Variants in RBM19 observed in about 807,000 individuals in gnomAD.
RBM19 encodes the protein RNA binding motif protein 19, also known as probable RNA-binding protein 19.
In RBM19, 94 loss-of-function variants were observed where a neutral mutation model predicts 116.8. The observed-to-expected ratio is 0.80, with a 90% CI of 0.68 to 0.95. RBM19 has a LOEUF of 0.95. RBM19 is among the 40% of genes least tolerant of loss of function. The probability of loss-of-function intolerance (pLI) is 0.00; values close to 1 mark genes in which losing one functional copy is unlikely to be tolerated. For synonymous variants in RBM19, 475 were observed against 494.1 expected, an observed-to-expected ratio of 0.96 and a Z score of 0.51; for missense variants, 1,161 against 1,220.7, an observed-to-expected ratio of 0.95 and a Z score of 0.73.
chr12:113,927,591 C>CAAAAAAA (rs764020256), intron 16 of RBM19, among the ~76,000 whole-genome samples: 6 of 63,018 alleles, frequency 9.5e-5, no homozygotes, highest in Admixed American at 1.7e-4. Flanking sequence ...CCTCAAAAAA[C>CAAAAAAA]AAAAAAAAAA....
intron 6 of RBM19, among the ~76,000 whole-genome samples, chr12:113,956,476 G>A (rs1436141643): frequency 6.6e-6 from 1 of 151,122 alleles, no homozygotes; most frequent in Non-Finnish European, 1.5e-5. Context: ...AGCTACTCGG[G>A]AGGCTGAGGC....
chr12:113,895,531 AACAAT>A (rs1343715645), intron 21 of RBM19, among the ~76,000 whole-genome samples: 1 of 152,218 alleles, frequency 6.6e-6, no homozygotes, highest in Non-Finnish European at 1.5e-5. Context: ...GAAGACGCCT[AACAAT>A]ACAGAAAACA....
chr12:113,914,672 G>T lies in RBM19; in HGVS notation c.2558+297C>A, dbSNP rs555714586. ...GGGTAGGGCTGGGTTTTAGCCACTG[G>T]GGCCCCTGCCCCTCTTGCACGTTGT... On this transcript the variant is annotated intron_variant, in intron 21 of 23. Transcript: ENST00000261741. Among the ~76,000 whole-genome samples the T allele has an allele frequency of 8.6e-4, 131 of 152,358 alleles. 1 individual carries two copies. The highest frequency in any genetic ancestry group is 9.8e-4 in the Non-Finnish European group (67 of 68,040).
intron 21 of RBM19, among the ~76,000 whole-genome samples, chr12:113,876,946 G>C (rs1175720883): frequency 6.6e-6 from 1 of 152,230 alleles, no homozygotes; most frequent in Non-Finnish European, 1.5e-5. Flanking sequence ...TGTCCTCGGA[G>C]CCAGTGAAGG....
intron 1 of RBM19, among the ~76,000 whole-genome samples, chr12:113,964,396 T>A (rs796491580): frequency 6.6e-6 from 1 of 152,218 alleles, no homozygotes; most frequent in Non-Finnish European, 1.5e-5. Flanking sequence ...TCTCCAAGTG[T>A]CAGCTGCAAC....
At chr12:113,834,869 T>C (rs547907555) in intron 23 of RBM19, among the ~76,000 whole-genome samples, 3 of 152,190 alleles carry the variant, frequency 2.0e-5, no homozygotes, top group Non-Finnish European at 4.4e-5. Flanking sequence ...GCAACACTGT[T>C]CTTAAGGGAG....
At chr12:113,837,229 AT>A (rs1876031016) in intron 23 of RBM19, among the ~76,000 whole-genome samples, 1 of 113,824 alleles carries the variant, frequency 8.8e-6, no homozygotes, top group African/African-American at 3.5e-5. Context: ...GCCCAGGCTT[AT>A]AACCCATCCT....
intron 16 of RBM19, among the ~76,000 whole-genome samples, chr12:113,929,068 C>G (rs996422236): frequency 5.3e-5 from 8 of 152,126 alleles, no homozygotes; most frequent in African/African-American, 1.9e-4. Flanking sequence ...ACCTGGAGGT[C>G]CCACGGGCGG....
At chr12:113,888,800 C>T (rs1200749292) in intron 21 of RBM19, among the ~76,000 whole-genome samples, 2 of 152,192 alleles carry the variant, frequency 1.3e-5, no homozygotes, top group African/African-American at 4.8e-5. Flanking sequence ...AAAACTTCAA[C>T]CTCATGGGAC....
At chr12:113,875,947 T>C (rs1879641695) in intron 21 of RBM19, among the ~76,000 whole-genome samples, 1 of 148,686 alleles carries the variant, frequency 6.7e-6, no homozygotes, top group African/African-American at 2.4e-5. Flanking sequence ...ATTTGGAAGA[T>C]GGGGAAGTGT....
At chr12:113,908,573 C>CAAAAAAAAAAAAAAAAAAAAA (rs11338829) in intron 21 of RBM19, among the ~76,000 whole-genome samples, 1 of 33,222 alleles carries the variant, frequency 3.0e-5, no homozygotes, top group East Asian at 1.6e-3. Flanking sequence ...AAGAAAATAG[C>CAAAAAAAAAAAAAAAAAAAAA]AAAAAAAAAA....
intron 8 of RBM19, 78 bp from the exon 9 acceptor site, chr12:113,950,232 C>T (rs531577290): frequency 8.3e-7 from 1 of 1,199,558 alleles, no homozygotes. Context: ...AACACCCATA[C>T]TGTGCTAGGA....
At chr12:113,927,009 T>G in intron 17 of RBM19, 45 bp downstream of exon 17, 24 of 1,545,650 alleles carry the variant, frequency 1.6e-5, no homozygotes, top group South Asian at 4.9e-5. Flanking sequence ...TAGACTGGGG[T>G]TTCCCATCCC....
At chr12:113,879,092 G>A (rs1035773) in intron 21 of RBM19, among the ~76,000 whole-genome samples, 16,368 of 152,156 alleles carry the variant, frequency 0.11, 1,030 homozygotes, top group Non-Finnish European at 0.15. Context: ...CCCCGCCAGC[G>A]TTCTGCCCCT....
Position 113,946,049 on chromosome 12 carries a change from A to G in RBM19, c.1530-125T>C, listed in dbSNP as rs1291773672. ...CTATCTACATGCCCCCAATTTCCCT[A>G]TCATGGGCTACGTATACAGGGCCTG... is the stretch of plus-strand genomic sequence containing the variant. On this transcript the variant is annotated intron_variant, in intron 12 of 23. Transcript: ENST00000261741. The G allele has an allele frequency of 7.8e-6, 7 of 901,842 alleles. No individual in the cohort carries two copies. In the Admixed American group the frequency reaches 1.7e-4, roughly 22 times the overall value. The allele number at this position is 901,842 out of a possible 1,614,324, so 55.9% of individuals were successfully genotyped here.
intron 21 of RBM19, among the ~76,000 whole-genome samples, chr12:113,872,557 C>T (rs1218355693): frequency 8.4e-6 from 1 of 119,398 alleles, no homozygotes; most frequent in Admixed American, 8.0e-5. Context: ...GCCGCCCCGT[C>T]CGGGAGGGAG....
intron 21 of RBM19, among the ~76,000 whole-genome samples, chr12:113,877,653 T>A (rs998657476): frequency 5.3e-5 from 8 of 152,146 alleles, no homozygotes; most frequent in African/African-American, 1.9e-4. Flanking sequence ...TCAGGATGGG[T>A]ATGAGCAGGC....
chr12:113,865,869 C>T (rs1878764644), intron 21 of RBM19, among the ~76,000 whole-genome samples: 1 of 151,706 alleles, frequency 6.6e-6, no homozygotes, highest in South Asian at 2.1e-4. Context: ...GATCATTTAC[C>T]AAGGGAATAC....
rs376653821 is a variant in RBM19, at chr12:113,843,074, C to T, written c.2785+1594G>A. 3.7e-4 allele frequency among the ~76,000 whole-genome samples: 56 copies of T among 152,318 alleles called. 1 individual carries two copies. The highest frequency in any genetic ancestry group is 1.3e-3 in the African/African-American group (52 of 41,558). ...ATGCAGTCCTGCTGCATTGCTGAGA[C>T]GCTGCTTCTCAGAAGCCCAGTCGTT... On this transcript the variant is annotated intron_variant, in intron 23 of 23. Transcript: ENST00000261741.
Sources: gnomAD v4.1 joint callset for allele counts (sites outside exome capture counted in the v4.1 genomes callset) on GRCh38, gnomAD v4.1.1 for gene constraint, MANE v1.5 for transcripts, NCBI Gene and HGNC (gene_info 2026-07-23, HGNC 2026-07-21) for gene names.